The following INTS15 variants were observed in gnomAD, a reference collection of about 807,000 sequenced individuals.
The protein encoded by INTS15 is integrator complex subunit 15.
the INTS15 span, chr7:6,608,226 G>A: frequency 1.0e-5 from 16 of 1,526,844 alleles, no homozygotes; most frequent in African/African-American, 1.4e-5. Context: ...AGGGGTGGCC[G>A]GACTCCCAGA....
the INTS15 span, among the ~76,000 whole-genome samples, chr7:6,592,576 A>C: frequency 7.9e-5 from 12 of 151,284 alleles, no homozygotes; most frequent in South Asian, 1.3e-3. Flanking sequence ...CAAAAAAAAA[A>C]CTTTTTTTTT....
the INTS15 span, chr7:6,607,788 G>A: frequency 1.3e-6 from 2 of 1,483,170 alleles, no homozygotes; most frequent in Non-Finnish European, 1.8e-6. The surrounding 1 kb of genome is among the most constrained non-coding windows in gnomAD (Gnocchi z 6.0). Context: ...TCGCCTGTGG[G>A]GTCCTGGCTC....
chr7:6,599,584 C>G, the INTS15 span, among the ~76,000 whole-genome samples: 1 of 152,238 alleles, frequency 6.6e-6, no homozygotes, highest in Non-Finnish European at 1.5e-5. Context: ...TTAAGTATTT[C>G]TGCAGCCTCT....
chr7:6,600,066 A>G, the INTS15 span: 2 of 1,614,232 alleles, frequency 1.2e-6, no homozygotes, highest in Non-Finnish European at 1.7e-6. Flanking sequence ...AAGGTCACAA[A>G]GGACCCGGGC....
At chr7:6,594,361 A>G in the INTS15 span, 1 of 1,475,320 alleles carries the variant, frequency 6.8e-7, no homozygotes, top group South Asian at 1.2e-5. Flanking sequence ...GGAGGTGGTC[A>G]CTGTGTGTGC....
chr7:6,593,288 T>C, the INTS15 span, among the ~76,000 whole-genome samples: 1 of 151,078 alleles, frequency 6.6e-6, no homozygotes, highest in African/African-American at 2.4e-5. Context: ...GAAATTTTGT[T>C]AACAAAAACG....
At chr7:6,604,116 C>T in the INTS15 span, among the ~76,000 whole-genome samples, 6 of 152,062 alleles carry the variant, frequency 3.9e-5, no homozygotes, top group Non-Finnish European at 8.8e-5. Flanking sequence ...TGCTTTGTTG[C>T]AGAGGCTGGA....
At chr7:6,607,752 C>T in the INTS15 span, 5 of 1,489,760 alleles carry the variant, frequency 3.4e-6, no homozygotes, top group East Asian at 2.5e-5. This position sits in a 1 kb window ranked among gnomAD's most constrained non-coding sequence, Gnocchi z 6.0. Context: ...CCACAGGCCC[C>T]GTGCAGAGCC....
At chr7:6,599,218 G>A in the INTS15 span, among the ~76,000 whole-genome samples, 1 of 152,174 alleles carries the variant, frequency 6.6e-6, no homozygotes, top group Non-Finnish European at 1.5e-5. Context: ...GACCTGTGCC[G>A]GGCTCATAGG....
the INTS15 span, among the ~76,000 whole-genome samples, chr7:6,605,329 A>G: frequency 0.015 from 2,241 of 152,212 alleles, 69 homozygotes; most frequent in African/African-American, 0.052. Context: ...AAGTTTCCAC[A>G]GCATCGAAGA....
the INTS15 span, chr7:6,608,553 C>T: frequency 2.7e-6 from 3 of 1,099,300 alleles, no homozygotes; most frequent in Non-Finnish European, 3.3e-6. Flanking sequence ...AAAGTGGGCT[C>T]CTTCTGCAGC....
chr7:6,597,137 G>A, the INTS15 span, among the ~76,000 whole-genome samples: 8 of 152,198 alleles, frequency 5.3e-5, no homozygotes, highest in Admixed American at 4.6e-4. Context: ...TGGGAGGCAG[G>A]TGTTGGGGAG....
At chr7:6,604,649 C>T in the INTS15 span, among the ~76,000 whole-genome samples, 6 of 152,278 alleles carry the variant, frequency 3.9e-5, no homozygotes, top group Admixed American at 1.3e-4. Context: ...CGTGTCAGGT[C>T]CAGCAGCAGA....
the INTS15 span, among the ~76,000 whole-genome samples, chr7:6,601,126 C>T: frequency 6.6e-6 from 1 of 152,052 alleles, no homozygotes; most frequent in South Asian, 2.1e-4. Context: ...ACCACCACAC[C>T]CAGCTAATTT....
At chr7:6,593,662 T>C in the INTS15 span, among the ~76,000 whole-genome samples, 2 of 150,160 alleles carry the variant, frequency 1.3e-5, no homozygotes, top group African/African-American at 2.5e-5. Context: ...TTTTTTTTTT[T>C]TTTTGAGACG....
chr7:6,599,269 G>A, the INTS15 span, among the ~76,000 whole-genome samples: 1 of 152,138 alleles, frequency 6.6e-6, no homozygotes, highest in Non-Finnish European at 1.5e-5. Flanking sequence ...TCTCTGTCTG[G>A]GCCACAGAGC....
chr7:6,592,395 T>C, the INTS15 span, among the ~76,000 whole-genome samples: 4 of 151,704 alleles, frequency 2.6e-5, no homozygotes, highest in African/African-American at 9.7e-5. Flanking sequence ...GGTGAAACCC[T>C]GTCTCTACTG....
the INTS15 span, among the ~76,000 whole-genome samples, chr7:6,598,160 C>G: frequency 2.6e-5 from 4 of 152,106 alleles, no homozygotes; most frequent in African/African-American, 9.7e-5. Flanking sequence ...ACAGAAACAT[C>G]TCTGTGGAAT....
At chr7:6,598,774 TGTGTGTGTGTG>T in the INTS15 span, among the ~76,000 whole-genome samples, 5 of 103,488 alleles carry the variant, frequency 4.8e-5, no homozygotes, top group East Asian at 2.3e-4. Context: ...TGTGTGTGTG[TGTGTGTGTGTG>T]TATTTTTTTT....
Sources: allele counts gnomAD v4.1 joint callset (sites outside exome capture counted in the v4.1 genomes callset), GRCh38; gene constraint gnomAD v4.1.1; non-coding constraint Gnocchi (gnomAD v3.1); transcripts MANE v1.5; gene names NCBI Gene and HGNC (gene_info 2026-07-23, HGNC 2026-07-21).